SFI1: variants seen among roughly 807,000 people sequenced by gnomAD.
SFI1 encodes SFI1 centrin binding protein, also known as protein SFI1 homolog.
In SFI1, 195 loss-of-function variants were observed where a neutral mutation model predicts 207.5. The ratio of observed to expected loss-of-function variants is 0.94; its 90% CI spans 0.84 to 1.06. The LOEUF is 1.06. Ranked by LOEUF, SFI1 falls within the 50% of genes least tolerant of loss-of-function variation. SFI1 has a pLI of 0.00. For missense variants in SFI1, 1,634 were observed against 1,588.0 expected (o/e 1.03, Z -0.49); for synonymous variants, 630 against 598.9 (o/e 1.05, Z -0.76).
At chr22:31,606,574 A>G (rs1333490277) in intron 21 of SFI1, 144 bp downstream of exon 21, 12 of 605,892 alleles carry the variant, frequency 2.0e-5, no homozygotes, top group Middle Eastern at 6.4e-4. Context: ...CACACACACA[A>G]ACATCCATGT....
At position 31,578,383 on chromosome 22, in the gene SFI1, C is replaced by A. The variant is rs779590386; in HGVS notation, c.1086C>A (p.Tyr362Ter). 1 of 1,612,780 alleles carries A rather than the reference C, an allele frequency of 6.2e-7. No individual in the cohort carries two copies. Among genetic ancestry groups the A allele is most frequent in the East Asian group, 2.2e-5 (1 of 44,866 alleles). ...CTGGAGGCCTTCACTTCCTGGCAGA[C>A]ATGCTGCTGTGTGCAGAAGAAGCTG... is the stretch of plus-strand genomic sequence containing the variant. ...LRRAFTHWKH[Y>*]MLLCAEEAAQ... The change falls in exon 11 of 33, where the codon TAC becomes TAA. Residue 362 changes from tyrosine to a stop codon, truncating the protein, a stop_gained and splice_region_variant. Coordinates refer to ENST00000400288, the MANE Select transcript of SFI1 (RefSeq NM_001007467.3). LOFTEE classifies it high-confidence loss of function.
At chr22:31,613,300 G>T in intron 25 of SFI1, 54 bp from the exon 26 acceptor site, 2 of 1,605,546 alleles carry the variant, frequency 1.2e-6, no homozygotes, top group Non-Finnish European at 1.7e-6. Flanking sequence ...CACCTGGTCT[G>T]TGGGGGAGCT....
At chr22:31,617,865 C>A (rs969454444) in intron 31 of SFI1, among the ~76,000 whole-genome samples, 3 of 152,118 alleles carry the variant, frequency 2.0e-5, no homozygotes, top group African/African-American at 7.2e-5. Flanking sequence ...GGGAGAGAGA[C>A]AAGGAGTGTG....
At chr22:31,593,236 A>C (rs2066421075) in intron 15 of SFI1, among the ~76,000 whole-genome samples, 1 of 148,386 alleles carries the variant, frequency 6.7e-6, no homozygotes. Flanking sequence ...CTCACTTCTC[A>C]GACGGGGTGG....
chr22:31,614,937 G>T, intron 28 of SFI1, 77 bp downstream of exon 28: 1 of 1,583,814 alleles, frequency 6.3e-7, no homozygotes, highest in South Asian at 1.1e-5. Context: ...ACCTCCATGT[G>T]GGGCCTGTGT....
chr22:31,594,986 T>C (rs2066882247), intron 15 of SFI1, among the ~76,000 whole-genome samples: 2 of 151,322 alleles, frequency 1.3e-5, no homozygotes, highest in South Asian at 4.2e-4. Context: ...ATAATAATAA[T>C]TTATTTATTT....
intron 12 of SFI1, 129 bp downstream of exon 12, chr22:31,580,493 C>G (rs962811231): frequency 5.0e-6 from 3 of 595,746 alleles, no homozygotes; most frequent in Middle Eastern, 2.7e-4. Flanking sequence ...TTTGTCCAGA[C>G]TGTCAACTGT....
intron 8 of SFI1, among the ~76,000 whole-genome samples, chr22:31,562,515 A>G (rs2061818833): frequency 6.6e-6 from 1 of 151,936 alleles, no homozygotes; most frequent in Non-Finnish European, 1.5e-5. Context: ...CTTTACGTGC[A>G]TTATCTAATT....
rs149693590 is a variant in SFI1, at chr22:31,580,163, C to G, written c.1156-109C>G. The G allele has an allele frequency of 8.7e-3, 6,609 of 755,866 alleles. 42 individuals are homozygous for G. Among genetic ancestry groups the G allele is most frequent in the Non-Finnish European group, 0.011 (4,861 of 451,022 alleles). The allele number at this position is 755,866 out of a possible 1,614,324, so 46.8% of individuals were successfully genotyped here. ...ATGGAACAGCTACAAGAAGCTGTGACCAAGCTTCTCCCCGCTGATTTGAGG... is the reference window on the plus strand; with the variant it reads ...ATGGAACAGCTACAAGAAGCTGTGAGCAAGCTTCTCCCCGCTGATTTGAGG... On this transcript the variant is annotated intron_variant, in intron 11 of 32. Transcript: ENST00000400288.
At chr22:31,533,507 G>A (rs531266664) in intron 4 of SFI1, among the ~76,000 whole-genome samples, 2 of 152,194 alleles carry the variant, frequency 1.3e-5, no homozygotes, top group South Asian at 2.1e-4. Context: ...TCCAGCCTGA[G>A]CAACAGAGAA....
intron 4 of SFI1, among the ~76,000 whole-genome samples, chr22:31,533,638 T>TA: frequency 6.6e-6 from 1 of 152,140 alleles, no homozygotes; most frequent in Non-Finnish European, 1.5e-5. Context: ...CTGATCATGT[T>TA]ACTCCCTTGT....
intron 2 of SFI1, among the ~76,000 whole-genome samples, chr22:31,512,065 G>A (rs762277586): frequency 3.7e-4 from 56 of 152,138 alleles, no homozygotes; most frequent in African/African-American, 1.2e-3. Flanking sequence ...GTTATTGGCC[G>A]GCGCAGTGGC....
chr22:31,568,226 A>T (rs9621285), intron 8 of SFI1, among the ~76,000 whole-genome samples: 22,953 of 111,750 alleles, frequency 0.21, 2,073 homozygotes, highest in Middle Eastern at 0.3. Context: ...ATATATATAT[A>T]TTTTTTTTTT....
intron 16 of SFI1, 84 bp from the exon 17 acceptor site, chr22:31,602,523 T>C (rs2068283230): frequency 6.7e-7 from 1 of 1,494,404 alleles, no homozygotes; most frequent in Admixed American, 1.7e-5. Flanking sequence ...TTAGTCATTA[T>C]TTGTGGCCTG....
intron 2 of SFI1, among the ~76,000 whole-genome samples, chr22:31,516,695 C>G (rs752970143): frequency 1.3e-5 from 2 of 151,980 alleles, no homozygotes; most frequent in African/African-American, 2.4e-5. Context: ...TGGTTCATGC[C>G]TGTAATCCCA....
intron 22 of SFI1, among the ~76,000 whole-genome samples, chr22:31,608,610 T>TA (rs2069490012): frequency 6.6e-6 from 1 of 151,812 alleles, no homozygotes; most frequent in African/African-American, 2.4e-5. Flanking sequence ...CAGTTTATGT[T>TA]AAAATGGAAG....
At chr22:31,565,337 T>C (rs2062179756) in intron 8 of SFI1, among the ~76,000 whole-genome samples, 1 of 151,962 alleles carries the variant, frequency 6.6e-6, no homozygotes, top group African/African-American at 2.4e-5. Flanking sequence ...CGGGAGGCTG[T>C]GGCAGGATGA....
At chr22:31,604,710 AGGG>A (rs2147075102) in intron 19 of SFI1, 156 bp from the exon 20 acceptor site, 1 of 621,056 alleles carries the variant, frequency 1.6e-6, no homozygotes, top group Admixed American at 3.3e-5. Flanking sequence ...GTCGTCTGGG[AGGG>A]TCTGCTGGCC....
At chr22:31,498,450 A>C (rs529751827) in intron 1 of SFI1, among the ~76,000 whole-genome samples, 1 of 152,194 alleles carries the variant, frequency 6.6e-6, no homozygotes, top group East Asian at 1.9e-4. Flanking sequence ...TAAAATATCA[A>C]TTCCAGCCTG....
Sources: allele counts gnomAD v4.1 joint callset (sites outside exome capture counted in the v4.1 genomes callset), GRCh38; gene constraint gnomAD v4.1.1; transcripts MANE v1.5; gene names NCBI Gene and HGNC (gene_info 2026-07-23, HGNC 2026-07-21).